The following MAVS variants were observed in gnomAD, a reference collection of about 807,000 sequenced individuals.
MAVS encodes mitochondrial antiviral-signaling protein.
Under a neutral mutation model 30.2 loss-of-function variants are expected in MAVS, and 20 were observed. The ratio of observed to expected loss-of-function variants is 0.66; its 90% CI spans 0.47 to 0.96. MAVS has a LOEUF of 0.96. Among genes scored for constraint, MAVS ranks in the 40% least tolerant of loss-of-function variants. The pLI, the probability that MAVS is intolerant of heterozygous loss-of-function variation, is 0.00. For synonymous variants in MAVS, 278 were observed against 293.9 expected (o/e 0.95, Z 0.55); for missense variants, 624 against 701.1 (o/e 0.89, Z 1.24).
At chr20:3,851,318 ACT>A (rs1477285114) in intron 1 of MAVS, among the ~76,000 whole-genome samples, 5 of 149,610 alleles carry the variant, frequency 3.3e-5, no homozygotes, top group African/African-American at 1.2e-4. Flanking sequence ...ACAGAGCGAG[ACT>A]CTTTCTCAAA....
intron 4 of MAVS, among the ~76,000 whole-genome samples, 190 bp downstream of exon 4, chr20:3,861,694 C>T (rs1353400848): frequency 6.6e-6 from 1 of 152,170 alleles, no homozygotes; most frequent in African/African-American, 2.4e-5. Context: ...GGTCTTCACC[C>T]TGTGGCAGCC....
At chr20:3,861,634 G>A (rs1167049140) in intron 4 of MAVS, 130 bp downstream of exon 4, 1 of 1,027,250 alleles carries the variant, frequency 9.7e-7, no homozygotes, top group Non-Finnish European at 1.4e-6. Flanking sequence ...AGAACCCTAG[G>A]GCTTCCTCAG....
chr20:3,862,787 C>T (rs1568536936), intron 5 of MAVS, among the ~76,000 whole-genome samples: 1 of 152,154 alleles, frequency 6.6e-6, no homozygotes, highest in African/African-American at 2.4e-5. Context: ...CCTTGGTTCT[C>T]TTCTATGTAG....
intron 2 of MAVS, among the ~76,000 whole-genome samples, chr20:3,856,772 G>T (rs1347957441): frequency 6.6e-6 from 1 of 151,910 alleles, no homozygotes; most frequent in Non-Finnish European, 1.5e-5. Context: ...GGTGGCTCAC[G>T]CCTGTAATCC....
chr20:3,852,444 T>G (rs948350012), intron 1 of MAVS, among the ~76,000 whole-genome samples: 2 of 152,080 alleles, frequency 1.3e-5, no homozygotes, highest in Non-Finnish European at 1.5e-5. Flanking sequence ...CATGTTGGGG[T>G]TCACTTTTTA....
At position 3,873,113 on chromosome 20, in the gene MAVS, A is replaced by G. The variant is rs529374689; in HGVS notation, c.*6966A>G. ...CTGACAAGATGAAATGCTGATGAAAATATGGAGGAAATGAAACTCTCATGG... is the reference window on the plus strand; with the variant it reads ...CTGACAAGATGAAATGCTGATGAAAGTATGGAGGAAATGAAACTCTCATGG... On this transcript the variant is annotated 3_prime_UTR_variant, in exon 7 of 7. Coordinates refer to ENST00000428216, the MANE Select transcript of MAVS (RefSeq NM_020746.5). 1.7e-4 allele frequency: 26 copies of G among 152,402 alleles called. No individual in the cohort carries two copies. Among genetic ancestry groups the G allele is most frequent in the Non-Finnish European group, 2.6e-4 (18 of 68,056 alleles). The allele number at this position is 152,402 out of a possible 1,614,324, so 9.4% of individuals were successfully genotyped here.
Position 3,867,101 on chromosome 20 carries a change from A to T in MAVS, c.*954A>T, listed in dbSNP as rs1276405626. 1 of 456,270 alleles carries T rather than the reference A, an allele frequency of 2.2e-6. No individual in the cohort carries two copies. Among genetic ancestry groups the T allele is most frequent in the Non-Finnish European group, 4.4e-6 (1 of 226,840 alleles). The allele number at this position is 456,270 out of a possible 1,614,324, so 28.3% of individuals were successfully genotyped here. A position where few individuals can be genotyped will look rare whatever the true frequency, so the allele number is the denominator to read the frequency against. ...TGCTTCTCCCATCTCTCTCCTGCCC[A>T]ACCTGGTAGAGCTGAGGGCATGAGA... On this transcript the variant is annotated 3_prime_UTR_variant, in exon 7 of 7. Transcript: ENST00000428216.
At chr20:3,860,297 G>A (rs112770487) in intron 3 of MAVS, among the ~76,000 whole-genome samples, 32 of 147,998 alleles carry the variant, frequency 2.2e-4, no homozygotes, top group Non-Finnish European at 3.9e-4. Flanking sequence ...GCATGACTTC[G>A]GCTCACCACA....
At chr20:3,856,419 C>T (rs2089811358) in intron 2 of MAVS, among the ~76,000 whole-genome samples, 1 of 127,982 alleles carries the variant, frequency 7.8e-6, no homozygotes, top group Non-Finnish European at 1.6e-5. Context: ...TGCAGTGGTG[C>T]CATCTTGGGT....
chr20:3,861,533 C>A (rs750240439), intron 4 of MAVS, 29 bp downstream of exon 4: 6 of 1,602,938 alleles, frequency 3.7e-6, no homozygotes, highest in Non-Finnish European at 5.1e-6. Flanking sequence ...CCTTGAGCCA[C>A]CACTTTTGTG....
chr20:3,865,756 A>C lies in MAVS; in HGVS notation c.1232A>C (p.Asn411Thr), dbSNP rs1386562270. The C allele has an allele frequency of 6.2e-7, 1 of 1,613,494 alleles. No homozygotes were observed. Among genetic ancestry groups the C allele is most frequent in the African/African-American group, 1.3e-5 (1 of 74,918 alleles). The change falls in exon 7 of 7, where the codon AAT becomes ACT. Residue 411 changes from asparagine to threonine, a missense_variant. Transcript: ENST00000428216. The surrounding 1 kb of genome is among the most constrained non-coding windows in gnomAD (Gnocchi z 4.7). ...SSAWLDSSSE[N>T]RGLGSELSKP... ...GCCTGGCTAGACAGCAGCTCTGAGA[A>C]TAGGGGCCTTGGGTCGGAGCTGAGT...
At position 3,854,501 on chromosome 20, in the gene MAVS, C is replaced by T. The variant is rs1788877863; in HGVS notation, c.-67-57C>T. On this transcript the variant is annotated intron_variant, in intron 1 of 6. Transcript: ENST00000428216. ...AAGTTGAGAAAGAATTGCCTTTTGT[C>T]CAGCCCCACTCCCAACCCCCCAACC... 4 of 547,584 alleles carry T rather than the reference C, an allele frequency of 7.3e-6. No individual in the cohort carries two copies. In the South Asian group the frequency reaches 8.7e-5, roughly 12 times the overall value. 33.9% of individuals were successfully genotyped at this position (547,584 alleles called of 1,614,324 possible).
At position 3,869,894 on chromosome 20, in the gene MAVS, G is replaced by A. The variant is rs1047716607; in HGVS notation, c.*3747G>A. The stretch of plus-strand genomic sequence containing the variant: ...TGCTGGGATACAGGAGTGAGCCACT[G>A]CGCCTGGCTGATCCCAGCACTTTTC... On this transcript the variant is annotated 3_prime_UTR_variant, in exon 7 of 7. Transcript: ENST00000428216. 3 of 152,334 alleles carry A rather than the reference G, an allele frequency of 2.0e-5. No individual in the cohort carries two copies. The highest frequency in any genetic ancestry group is 7.2e-5 in the African/African-American group (3 of 41,574). The allele number at this position is 152,334 out of a possible 1,614,324, so 9.4% of individuals were successfully genotyped here.
rs1168702337 is a variant in MAVS at position 3,870,719 on chromosome 20, T to C, written c.*4572T>C. 3 of 135,592 alleles carry C rather than the reference T, an allele frequency of 2.2e-5. No homozygotes were observed. Among genetic ancestry groups the C allele is most frequent in the Non-Finnish European group, 4.6e-5 (3 of 64,926 alleles). The allele number at this position is 135,592 out of a possible 1,614,324, so 8.4% of individuals were successfully genotyped here. ...ACCCTGCCTGGCCTCAAACTATTAA[T>C]AGCTTCCTTTGAGCAACATTATTTA... On this transcript the variant is annotated 3_prime_UTR_variant, in exon 7 of 7. Coordinates refer to ENST00000428216, the MANE Select transcript of MAVS (RefSeq NM_020746.5).
chr20:3,856,353 A>ATTTTT (rs56232181), intron 2 of MAVS, among the ~76,000 whole-genome samples: 5 of 101,416 alleles, frequency 4.9e-5, no homozygotes, highest in East Asian at 2.9e-4. Flanking sequence ...TGCGCCCAGC[A>ATTTTT]TTTTTTTTTT....
chr20:3,859,334 T>C (rs879690237), intron 3 of MAVS, among the ~76,000 whole-genome samples: 77 of 151,734 alleles, frequency 5.1e-4, no homozygotes, highest in Non-Finnish European at 9.6e-4. Context: ...GGTGAAACCC[T>C]GTCTGTACCA....
In MAVS at chr20:3,869,510, T is replaced by C. The variant is rs1391781235; in HGVS notation, c.*3363T>C. ...TTATAGAGATGAGGTCATGCTGTTATGTTGCCCAGGTTGGCCTCATGAGAT... is the reference window on the plus strand; with the variant it reads ...TTATAGAGATGAGGTCATGCTGTTACGTTGCCCAGGTTGGCCTCATGAGAT... On this transcript the variant is annotated 3_prime_UTR_variant, in exon 7 of 7. Transcript: ENST00000428216. 2 of 152,206 alleles carry C rather than the reference T, an allele frequency of 1.3e-5. No homozygotes were observed. The highest frequency in any genetic ancestry group is 6.6e-5 in the Admixed American group (1 of 15,262). 9.4% of individuals were successfully genotyped at this position (152,206 alleles called of 1,614,324 possible).
chr20:3,851,919 T>A (rs2089763035), intron 1 of MAVS, among the ~76,000 whole-genome samples: 1 of 150,842 alleles, frequency 6.6e-6, no homozygotes, highest in African/African-American at 2.4e-5. Context: ...TGTGCCATTG[T>A]ACTCCAGCCT....
At chr20:3,853,102 G>A (rs1272839837) in intron 1 of MAVS, among the ~76,000 whole-genome samples, 2 of 149,648 alleles carry the variant, frequency 1.3e-5, no homozygotes, top group Admixed American at 6.7e-5. Context: ...GCCTCCCAAC[G>A]TGCTGGGGTT....
Sources: allele counts gnomAD v4.1 joint callset (sites outside exome capture counted in the v4.1 genomes callset), GRCh38; gene constraint gnomAD v4.1.1; non-coding constraint Gnocchi (gnomAD v3.1); transcripts MANE v1.5; gene names NCBI Gene and HGNC (gene_info 2026-07-23, HGNC 2026-07-21).